ZP2: variants seen among roughly 807,000 people sequenced by gnomAD.
The protein encoded by ZP2 is zona pellucida glycoprotein 2.
ZP2 carries 51 observed loss-of-function variants against 84.0 expected under a neutral mutation model. That is an observed-to-expected ratio of 0.61 (90% CI 0.49 to 0.77). The LOEUF (loss-of-function observed/expected upper bound fraction) is 0.77, where lower values mean the gene tolerates loss of function less well. Among genes scored for constraint, ZP2 ranks in the 30% least tolerant of loss-of-function variants. The pLI, the probability that ZP2 is intolerant of heterozygous loss-of-function variation, is 0.00. For missense variants in ZP2, 909 were observed against 911.9 expected, an observed-to-expected ratio of 1.00 and a Z score of 0.04; for synonymous variants, 375 against 330.9, an observed-to-expected ratio of 1.13 and a Z score of -1.45.
intron 2 of ZP2, 117 bp downstream of exon 2, chr16:21,211,190 A>T: frequency 1.2e-6 from 1 of 843,688 alleles, no homozygotes; most frequent in Non-Finnish European, 2.0e-6. Flanking sequence ...TGACCAAGGT[A>T]ATAAAGGGGG....
chr16:21,204,245 G>C (rs1336990175), intron 8 of ZP2, 34 bp from the exon 9 acceptor site: 2 of 1,613,924 alleles, frequency 1.2e-6, no homozygotes, highest in Non-Finnish European at 1.7e-6. Context: ...CCCATTACCA[G>C]CCTTGATTAA....
chr16:21,209,334 GT>G (rs1355893502), intron 4 of ZP2, among the ~76,000 whole-genome samples: 1 of 152,072 alleles, frequency 6.6e-6, no homozygotes, highest in African/African-American at 2.4e-5. Context: ...CACCCAGCTA[GT>G]TTTTTGTATT....
rs1395453377 is a variant in ZP2 at position 21,199,664 on chromosome 16, G to C, written c.1833C>G (p.Val611=). ...VSEAHVLSSL[V]YFHCSALICN... ...AGATTAAGGCACTGCAGTGGAAGTA[G>C]ACCTGGAGACAGAAGAGAGTTACAT... Residue 611 remains valine, a splice_region_variant and synonymous_variant, in exon 16 of 19, where the codon GTC becomes GTG. Transcript: ENST00000574091. The C allele has an allele frequency of 6.5e-7, 1 of 1,535,244 alleles. No individual in the cohort carries two copies.
chr16:21,207,991 G>A (rs997562864), intron 4 of ZP2, among the ~76,000 whole-genome samples: 7 of 152,200 alleles, frequency 4.6e-5, no homozygotes, highest in African/African-American at 1.7e-4. Flanking sequence ...AGGCTGAGGT[G>A]GGAGGATCCC....
rs150656642 is a variant in ZP2 at position 21,209,703 on chromosome 16, C to T, written c.258G>A (p.Pro86=). The change falls in exon 4 of 19, where the codon CCG becomes CCA. Residue 86 remains proline, a synonymous_variant. Coordinates refer to ENST00000574091, the MANE Select transcript of ZP2 (RefSeq NM_001376232.1). The stretch of plus-strand genomic sequence containing the variant: ...CTGGGTCCAGGATGTAAGTGCAGTT[C>T]GGCATGTCGAGACCAAGAGGATCTG... ...SVVDPLGLDM[P]NCTYILDPEK... 1.1e-4 allele frequency: 178 copies of T among 1,613,972 alleles called. No homozygotes were observed. The highest frequency in any genetic ancestry group is 1.4e-4 in the Non-Finnish European group (162 of 1,179,998).
upstream of ZP2, chr16:21,211,776 C>A (rs2093276538): frequency 6.2e-6 from 9 of 1,446,782 alleles, no homozygotes; most frequent in South Asian, 1.3e-4. Context: ...TCAGAGTTTG[C>A]TGAAATCAGC....
intron 5 of ZP2, 60 bp downstream of exon 5, chr16:21,206,775 GATC>G (rs1263671129): frequency 6.2e-6 from 10 of 1,600,428 alleles, no homozygotes; most frequent in African/African-American, 2.7e-5. Flanking sequence ...GCCCTGGTTA[GATC>G]ATCATCATAT....
chr16:21,211,577 A>G, upstream of ZP2: 3 of 1,613,922 alleles, frequency 1.9e-6, no homozygotes, highest in Non-Finnish European at 2.5e-6. Context: ...TCAACCAGGT[A>G]GAGGGTAGGC....
At position 21,210,199 on chromosome 16, in the gene ZP2, A is replaced by G; in HGVS notation, c.152-7T>C. ...TCATCGCAAGTGACAGTGCCTAAGG[A>G]GCAAAGGAAGCATTTGGGGGCTTTG... On this transcript the variant is annotated splice_polypyrimidine_tract_variant and splice_region_variant and intron_variant, in intron 2 of 18. Transcript: ENST00000574091. The G allele has an allele frequency of 6.2e-7, 1 of 1,613,148 alleles. No individual in the cohort carries two copies. The highest frequency in any genetic ancestry group is 1.3e-5 in the African/African-American group (1 of 74,962).
rs775557606 is a variant in ZP2 at position 21,202,030 on chromosome 16, T to C, written c.1288-7A>G. The C allele has an allele frequency of 1.9e-6, 3 of 1,613,964 alleles. No individual in the cohort carries two copies. The highest frequency in any genetic ancestry group is 2.5e-6 in the Non-Finnish European group (3 of 1,179,868). On this transcript the variant is annotated splice_region_variant and splice_polypyrimidine_tract_variant and intron_variant, in intron 11 of 18. Coordinates refer to ENST00000574091, the MANE Select transcript of ZP2 (RefSeq NM_001376232.1). ...CGACTTTATCATCTTCGAACTTAAA[T>C]GTCAGAGAAAGTGGGTTAGCAGCCA...
intron 2 of ZP2, among the ~76,000 whole-genome samples, chr16:21,210,915 C>G (rs112218636): frequency 2.1e-4 from 31 of 150,660 alleles, no homozygotes; most frequent in African/African-American, 7.6e-4. Context: ...TTTTGCCCAT[C>G]ATCTGCTACT....
rs1242191966 is a variant in ZP2, at chr16:21,201,616, A to T, written c.1505-58T>A. On this transcript the variant is annotated intron_variant, in intron 13 of 18. Transcript: ENST00000574091. ...CTGCAACACAGATTCATAGGTCATC[A>T]CTGCTCCATTAGTCTGGCAGTATCA... 6 of 1,607,108 alleles carry T rather than the reference A, an allele frequency of 3.7e-6. No homozygotes were observed. In the Admixed American group the frequency reaches 1.0e-4, roughly 27 times the overall value.
intron 5 of ZP2, among the ~76,000 whole-genome samples, chr16:21,206,482 T>A (rs1038391911): frequency 6.6e-6 from 1 of 152,224 alleles, no homozygotes; most frequent in Non-Finnish European, 1.5e-5. Context: ...GTCGTTTTGT[T>A]CACTTATTGT....
intron 9 of ZP2, 136 bp from the exon 10 acceptor site, chr16:21,203,387 A>G (rs2093235242): frequency 8.8e-7 from 1 of 1,130,190 alleles, no homozygotes; most frequent in Admixed American, 2.2e-5. Flanking sequence ...AACCAAAACA[A>G]GAGAGACCCT....
At chr16:21,207,894 C>T (rs1386373611) in intron 4 of ZP2, among the ~76,000 whole-genome samples, 6 of 152,030 alleles carry the variant, frequency 3.9e-5, no homozygotes, top group Admixed American at 2.6e-4. Flanking sequence ...AGTTTGAAAA[C>T]CAAACCAAAA....
upstream of ZP2, among the ~76,000 whole-genome samples, chr16:21,213,341 G>A (rs1213745315): frequency 1.3e-5 from 2 of 152,166 alleles, no homozygotes; most frequent in Non-Finnish European, 2.9e-5. Context: ...CACTGTGCCC[G>A]GCCCTTTGCC....
At chr16:21,210,786 G>T (rs2152856770) in intron 2 of ZP2, among the ~76,000 whole-genome samples, 1 of 152,136 alleles carries the variant, frequency 6.6e-6, no homozygotes, top group Admixed American at 6.5e-5. Context: ...CATTGGCCAG[G>T]CTGGTCTCAA....
At chr16:21,201,636 G>C (rs908467689) in intron 13 of ZP2, 70 bp downstream of exon 13, 4 of 1,611,298 alleles carry the variant, frequency 2.5e-6, no homozygotes, top group Admixed American at 3.3e-5. Context: ...TAGTCTGGCA[G>C]TATCAGGATG....
chr16:21,213,442 T>C (rs2093281930), upstream of ZP2, among the ~76,000 whole-genome samples: 2 of 152,220 alleles, frequency 1.3e-5, no homozygotes, highest in Admixed American at 1.3e-4. Context: ...ACCTGAGGCA[T>C]CTGAAATAAC....
Sources: gnomAD v4.1 joint callset for allele counts (sites outside exome capture counted in the v4.1 genomes callset) on GRCh38, gnomAD v4.1.1 for gene constraint, MANE v1.5 for transcripts, NCBI Gene and HGNC (gene_info 2026-07-23, HGNC 2026-07-21) for gene names.